Variants in DNAJC6 observed in about 807,000 individuals in gnomAD.
DNAJC6 encodes auxilin.
In DNAJC6, 34 loss-of-function variants were observed where a neutral mutation model predicts 110.0. The ratio of observed to expected loss-of-function variants is 0.31; its 90% CI spans 0.24 to 0.41. The LOEUF (loss-of-function observed/expected upper bound fraction) is 0.41, where lower values mean the gene tolerates loss of function less well. Ranked by LOEUF, DNAJC6 falls within the 10% of genes least tolerant of loss-of-function variation. DNAJC6 has a pLI of 1.00. For synonymous variants in DNAJC6, 406 were observed against 437.2 expected, an observed-to-expected ratio of 0.93 and a Z score of 0.89; for missense variants, 1,031 against 1,207.8, an observed-to-expected ratio of 0.85 and a Z score of 2.17.
At chr1:65,264,971 T>C (rs1653267630) in intron 1 of DNAJC6, 1 of 1,597,316 alleles carries the variant, frequency 6.3e-7, no homozygotes, top group Non-Finnish European at 8.6e-7. Context: ...AAGAGAGGGC[T>C]AAAGGCTAAA....
intron 1 of DNAJC6, among the ~76,000 whole-genome samples, chr1:65,293,964 G>A (rs1644904367): frequency 1.3e-5 from 2 of 152,066 alleles, no homozygotes; most frequent in African/African-American, 4.8e-5. Context: ...TATGTTCCAG[G>A]CATTGTGCTA....
At chr1:65,287,115 TGAGA>T (rs1452546531) in intron 1 of DNAJC6, among the ~76,000 whole-genome samples, 9 of 152,048 alleles carry the variant, frequency 5.9e-5, no homozygotes, top group African/African-American at 1.7e-4. Context: ...AATGAATGAG[TGAGA>T]GAAAGAGTGA....
chr1:65,305,293 T>C (rs1168623513), upstream of DNAJC6, among the ~76,000 whole-genome samples: 1 of 152,190 alleles, frequency 6.6e-6, no homozygotes, highest in African/African-American at 2.4e-5. Flanking sequence ...GTACCAGAGA[T>C]TGTCCCATAA....
At chr1:65,343,116 C>A (rs915818243) in intron 1 of DNAJC6, among the ~76,000 whole-genome samples, 8 of 152,166 alleles carry the variant, frequency 5.3e-5, no homozygotes, top group Non-Finnish European at 1.2e-4. Flanking sequence ...AATATACCAC[C>A]CAGTTCTGTG....
chr1:65,309,774 A>T lies in DNAJC6; in HGVS notation c.29A>T (p.Lys10Met). 2 of 1,548,260 alleles carry T rather than the reference A, an allele frequency of 1.3e-6. No homozygotes were observed. Among genetic ancestry groups the T allele is most frequent in the Non-Finnish European group, 1.7e-6 (2 of 1,145,990 alleles). ...AGCCTCCTCGGGAGCTACCGGAAAA[A>T]GACCAGCAACGATGGTTATGAATCT... MSLLGSYRK[K>M]TSNDGYESLQ... Residue 10 changes from lysine to methionine, a missense_variant, in exon 1 of 19, where the codon AAG becomes ATG. Transcript: ENST00000371069.
chr1:65,278,930 C>T (rs1312811966), intron 1 of DNAJC6: 1 of 977,512 alleles, frequency 1.0e-6, no homozygotes, highest in Non-Finnish European at 1.2e-6. Flanking sequence ...CAGATGTATC[C>T]TGCGAGTCAG....
intron 1 of DNAJC6, among the ~76,000 whole-genome samples, chr1:65,330,576 C>G: frequency 6.6e-6 from 1 of 152,104 alleles, no homozygotes; most frequent in Non-Finnish European, 1.5e-5. Flanking sequence ...TCAAGCCATT[C>G]TCCTGCCTCA....
chr1:65,378,429 A>C (rs574105752), intron 4 of DNAJC6, among the ~76,000 whole-genome samples: 9 of 152,186 alleles, frequency 5.9e-5, no homozygotes, highest in African/African-American at 2.2e-4. Context: ...ATTTATTATC[A>C]CTCTGGGTGT....
intron 1 of DNAJC6, among the ~76,000 whole-genome samples, chr1:65,290,508 G>T (rs1245318806): frequency 6.6e-6 from 1 of 152,104 alleles, no homozygotes. Context: ...AAATTTAAAT[G>T]CATTTGTTCA....
At chr1:65,271,469 T>A (rs941486287) in intron 1 of DNAJC6, among the ~76,000 whole-genome samples, 2 of 152,184 alleles carry the variant, frequency 1.3e-5, no homozygotes, top group Non-Finnish European at 2.9e-5. Flanking sequence ...TTCTGTAAGT[T>A]TGGCTTTTTT....
At chr1:65,320,108 T>G (rs1283814397) in intron 1 of DNAJC6, among the ~76,000 whole-genome samples, 1 of 152,258 alleles carries the variant, frequency 6.6e-6, no homozygotes, top group African/African-American at 2.4e-5. Context: ...TGCATCTGGC[T>G]TACCTAAAAT....
intron 1 of DNAJC6, among the ~76,000 whole-genome samples, chr1:65,354,880 C>T (rs763450460): frequency 6.6e-6 from 1 of 152,070 alleles, no homozygotes; most frequent in Non-Finnish European, 1.5e-5. Context: ...GATTTTTGGA[C>T]ATTCTGAAGA....
chr1:65,332,012 T>C (rs1425817490), intron 1 of DNAJC6, among the ~76,000 whole-genome samples: 2 of 152,200 alleles, frequency 1.3e-5, no homozygotes, highest in Non-Finnish European at 2.9e-5. Flanking sequence ...TTTCCTCATG[T>C]CCTGGAGTCT....
chr1:65,388,501 C>A, intron 9 of DNAJC6, 86 bp downstream of exon 9: 1 of 1,236,580 alleles, frequency 8.1e-7, no homozygotes, highest in Non-Finnish European at 1.2e-6. Context: ...GTAGCATACC[C>A]TGGAATCCTG....
intron 1 of DNAJC6, chr1:65,345,785 C>A: frequency 1.7e-6 from 1 of 597,696 alleles, no homozygotes; most frequent in Non-Finnish European, 2.1e-6. Context: ...GAGTGCAGAT[C>A]CAGGTTGGCT....
chr1:65,352,270 A>T (rs912926345), intron 1 of DNAJC6, among the ~76,000 whole-genome samples: 1 of 152,102 alleles, frequency 6.6e-6, no homozygotes, highest in Non-Finnish European at 1.5e-5. Flanking sequence ...TCATTGTCCA[A>T]GGGGGGCTTC....
At chr1:65,303,959 T>C (rs553254484) in intron 1 of DNAJC6, among the ~76,000 whole-genome samples, 6 of 152,138 alleles carry the variant, frequency 3.9e-5, no homozygotes, top group Non-Finnish European at 8.8e-5. Context: ...ATTGCCTCTT[T>C]AGGCTGCCTC....
chr1:65,310,754 A>G (rs915315040), intron 1 of DNAJC6, among the ~76,000 whole-genome samples: 7 of 152,190 alleles, frequency 4.6e-5, no homozygotes, highest in Non-Finnish European at 8.8e-5. Flanking sequence ...GTCATTTAAT[A>G]TATCCATGTT....
intron 1 of DNAJC6, among the ~76,000 whole-genome samples, chr1:65,301,410 G>A (rs977874643): frequency 2.6e-5 from 4 of 152,008 alleles, no homozygotes; most frequent in African/African-American, 9.7e-5. Context: ...GGAGATAAGT[G>A]TCAGATACCA....
Sources: allele counts gnomAD v4.1 joint callset (sites outside exome capture counted in the v4.1 genomes callset), GRCh38; gene constraint gnomAD v4.1.1; transcripts MANE v1.5; gene names NCBI Gene and HGNC (gene_info 2026-07-23, HGNC 2026-07-21).